Variants in NELL2 observed in about 807,000 individuals in gnomAD.
NELL2 encodes protein kinase C-binding protein NELL2.
Under a neutral mutation model 109.6 loss-of-function variants are expected in NELL2, and 41 were observed. That is an observed-to-expected ratio of 0.37 (90% CI 0.29 to 0.49). The LOEUF (loss-of-function observed/expected upper bound fraction) is 0.49, where lower values mean the gene tolerates loss of function less well. Among genes scored for constraint, NELL2 ranks in the 20% least tolerant of loss-of-function variants. The pLI, the probability that NELL2 is intolerant of heterozygous loss-of-function variation, is 0.98. For missense variants in NELL2, 900 were observed against 1,008.3 expected, an observed-to-expected ratio of 0.89 and a Z score of 1.45; for synonymous variants, 355 against 344.7, an observed-to-expected ratio of 1.03 and a Z score of -0.33.
rs139981951 is a variant in NELL2 at position 44,807,723 on chromosome 12, A to G, written c.335+8263T>C. On this transcript the variant is annotated intron_variant, in intron 3 of 19. Transcript: ENST00000429094. ...TTAAAAAAGTAGCAGACTGATCATTAAAAGTTACATGGGCCAATTATTTCC... is the reference window on the plus strand; with the variant it reads ...TTAAAAAAGTAGCAGACTGATCATTGAAAGTTACATGGGCCAATTATTTCC... Among the ~76,000 whole-genome samples, 305 of 152,158 alleles carry G rather than the reference A, an allele frequency of 2.0e-3. 2 individuals are homozygous for G. Among genetic ancestry groups the G allele is most frequent in the African/African-American group, 6.9e-3 (285 of 41,550 alleles).
intron 1 of NELL2, among the ~76,000 whole-genome samples, chr12:44,900,470 G>A (rs1004022634): frequency 3.9e-5 from 6 of 151,990 alleles, no homozygotes; most frequent in Non-Finnish European, 8.8e-5. Context: ...GCTCAAAATC[G>A]CACAACTACA....
chr12:44,687,562 C>G (rs1293879765), intron 12 of NELL2, among the ~76,000 whole-genome samples: 5 of 152,014 alleles, frequency 3.3e-5, no homozygotes, highest in Admixed American at 2.0e-4. Flanking sequence ...TTATTTTATA[C>G]TAGAGTTAGT....
rs1939879241 is a variant in NELL2 at position 44,740,258 on chromosome 12, AG to A, written c.995-25518del. ...TTAAGAACGACGTACAGATACGTAC[AG>A]TATATCAGATGATATACTGATGTTT... On this transcript the variant is annotated intron_variant, in intron 9 of 19. Transcript: ENST00000429094. Among the ~76,000 whole-genome samples, 8 of 152,338 alleles carry A rather than the reference AG, an allele frequency of 5.3e-5. No homozygotes were observed. The South Asian group carries it at 1.7e-3, about 32-fold the overall frequency.
At chr12:44,654,866 T>C (rs1416786008) in intron 13 of NELL2, among the ~76,000 whole-genome samples, 1 of 152,186 alleles carries the variant, frequency 6.6e-6, no homozygotes, top group African/African-American at 2.4e-5. Flanking sequence ...AGACGAACTC[T>C]GCTCCACGGA....
intron 3 of NELL2, among the ~76,000 whole-genome samples, chr12:44,797,732 C>T (rs1052229881): frequency 6.6e-6 from 1 of 150,452 alleles, no homozygotes; most frequent in Admixed American, 6.6e-5. Flanking sequence ...AAAAACTCAA[C>T]ATTAAAAAAA....
intron 15 of NELL2, among the ~76,000 whole-genome samples, chr12:44,571,534 T>G (rs1943871957): frequency 6.6e-6 from 1 of 152,222 alleles, no homozygotes; most frequent in Non-Finnish European, 1.5e-5. Flanking sequence ...GGAAGTGATG[T>G]TATCTTGTTC....
intron 3 of NELL2, among the ~76,000 whole-genome samples, chr12:44,789,937 T>C (rs1020715598): frequency 6.6e-6 from 1 of 151,878 alleles, no homozygotes; most frequent in South Asian, 2.1e-4. Flanking sequence ...GAAAGAAGAA[T>C]GAGAAAATAT....
At chr12:44,814,026 TGCTGGTCAGAGTGTGTACA>T (rs1300698922) in intron 3 of NELL2, among the ~76,000 whole-genome samples, 1 of 152,188 alleles carries the variant, frequency 6.6e-6, no homozygotes, top group Non-Finnish European at 1.5e-5. Context: ...AAGAAGTCTG[TGCTGGTCAGAGTGTGTACA>T]GTTAAGGTGT....
intron 15 of NELL2, among the ~76,000 whole-genome samples, chr12:44,605,825 C>G (rs1278574603): frequency 1.3e-5 from 2 of 152,100 alleles, no homozygotes; most frequent in African/African-American, 4.8e-5. Context: ...TGTTGATGTG[C>G]AGGAGGTCCA....
chr12:44,808,250 G>A (rs545918259), intron 3 of NELL2, among the ~76,000 whole-genome samples: 6 of 151,960 alleles, frequency 3.9e-5, no homozygotes, highest in Non-Finnish European at 7.4e-5. Flanking sequence ...TGCTCTATGG[G>A]ATAACCTCTG....
At chr12:44,707,740 C>A (rs1020121846) in intron 11 of NELL2, among the ~76,000 whole-genome samples, 1 of 152,098 alleles carries the variant, frequency 6.6e-6, no homozygotes, top group Non-Finnish European at 1.5e-5. Flanking sequence ...TTCATGGCTA[C>A]CACCGCTTAG....
chr12:44,604,014 T>A (rs1945309536), intron 15 of NELL2, among the ~76,000 whole-genome samples: 1 of 152,100 alleles, frequency 6.6e-6, no homozygotes. Flanking sequence ...ACTTGGAAAT[T>A]TTGTCAATCT....
chr12:44,587,284 A>AAAAAAAAAAAATATATAT, intron 15 of NELL2, among the ~76,000 whole-genome samples: 4 of 72,212 alleles, frequency 5.5e-5, no homozygotes, highest in Non-Finnish European at 8.1e-5. Flanking sequence ...AAAAAAAAAA[A>AAAAAAAAAAAATATATAT]ATATATATAT....
At chr12:44,678,286 G>C (rs1948382858) in intron 12 of NELL2, among the ~76,000 whole-genome samples, 1 of 152,066 alleles carries the variant, frequency 6.6e-6, no homozygotes, top group Non-Finnish European at 1.5e-5. Context: ...CAAATTTTCA[G>C]TGTCCTTAGA....
chr12:44,856,016 A>G (rs1361726436), intron 2 of NELL2, among the ~76,000 whole-genome samples: 1 of 152,218 alleles, frequency 6.6e-6, no homozygotes, highest in Admixed American at 6.5e-5. Context: ...GAAAGTAATC[A>G]TATTTGTCAT....
At chr12:44,638,990 TTCAACA>T (rs1946746971) in intron 13 of NELL2, among the ~76,000 whole-genome samples, 1 of 152,224 alleles carries the variant, frequency 6.6e-6, no homozygotes, top group Non-Finnish European at 1.5e-5. Context: ...AAAATATTAT[TTCAACA>T]TATAATCAAT....
intron 9 of NELL2, among the ~76,000 whole-genome samples, chr12:44,755,221 T>C (rs141214541): frequency 1.5e-3 from 227 of 152,288 alleles, no homozygotes; most frequent in African/African-American, 5.1e-3. Flanking sequence ...CTGCAAATTC[T>C]TTTACCACCA....
chr12:44,777,853 G>A (rs1043522536), intron 5 of NELL2, among the ~76,000 whole-genome samples: 2 of 152,166 alleles, frequency 1.3e-5, no homozygotes, highest in East Asian at 1.9e-4. Context: ...ATATAGTGAT[G>A]AGTTCTTATG....
At position 44,642,020 on chromosome 12, in the gene NELL2, C is replaced by T. The variant is rs1001093962; in HGVS notation, c.1444+23464G>A. Among the ~76,000 whole-genome samples, 26 of 152,026 alleles carry T rather than the reference C, an allele frequency of 1.7e-4. 1 individual carries two copies. Among genetic ancestry groups the T allele is most frequent in the South Asian group, 6.2e-4 (3 of 4,816 alleles). ...CCCAGTTTCTTCATTTTTGGAGTCA[C>T]AATTTTCTCCTCTATGAAATGGGGA... On this transcript the variant is annotated intron_variant, in intron 13 of 19. Transcript: ENST00000429094.
Sources: gnomAD v4.1 joint callset for allele counts (sites outside exome capture counted in the v4.1 genomes callset) on GRCh38, gnomAD v4.1.1 for gene constraint, MANE v1.5 for transcripts, NCBI Gene and HGNC (gene_info 2026-07-23, HGNC 2026-07-21) for gene names.